The following SHB variants were observed in gnomAD, a reference collection of about 807,000 sequenced individuals.
The protein encoded by SHB is SH2 domain containing adaptor protein B.
SHB carries 20 observed loss-of-function variants against 52.3 expected under a neutral mutation model. The ratio of observed to expected loss-of-function variants is 0.38; its 90% CI spans 0.27 to 0.56. The LOEUF is 0.56. SHB is among the 20% of genes least tolerant of loss of function. The pLI is 0.71. For missense variants in SHB, 825 were observed against 723.3 expected, an observed-to-expected ratio of 1.14 and a Z score of -1.61; for synonymous variants, 397 against 316.5, an observed-to-expected ratio of 1.25 and a Z score of -2.70.
chr9:38,005,628 C>G (rs73437963), intron 2 of SHB, among the ~76,000 whole-genome samples: 7,482 of 152,250 alleles, frequency 0.049, 419 homozygotes, highest in African/African-American at 0.14. Context: ...CTCTCGGAGC[C>G]TTAGGGAGAG....
chr9:37,917,330 G>A lies in SHB; in HGVS notation c.*2491C>T, dbSNP rs1197024405. ...CCAGGGAAACTTCAGGAAGACGAAG[G>A]CCAGGGACAGAGGGAGGGTCCCAGG... On this transcript the variant is annotated 3_prime_UTR_variant, in exon 6 of 6. Transcript: ENST00000377707. 6.6e-6 allele frequency among the ~76,000 whole-genome samples: 1 copy of A among 152,164 alleles called. No homozygotes were observed. The highest frequency in any genetic ancestry group is 1.5e-5 in the Non-Finnish European group (1 of 68,018).
chr9:37,989,153 T>C (rs777732410), intron 2 of SHB, among the ~76,000 whole-genome samples: 3 of 152,206 alleles, frequency 2.0e-5, no homozygotes, highest in Non-Finnish European at 4.4e-5. Context: ...CATGCCTCTA[T>C]GGACAGCCCT....
At chr9:37,944,231 C>A (rs892261199) in intron 5 of SHB, among the ~76,000 whole-genome samples, 7 of 152,150 alleles carry the variant, frequency 4.6e-5, no homozygotes, top group African/African-American at 1.4e-4. Context: ...GGTGTGCAGG[C>A]GCCACTGTGG....
chr9:38,052,023 C>T (rs1336149268), intron 1 of SHB, among the ~76,000 whole-genome samples: 3 of 152,240 alleles, frequency 2.0e-5, no homozygotes, highest in Non-Finnish European at 4.4e-5. Flanking sequence ...CCTTCTTGCA[C>T]TGCTGTCTTC....
At chr9:38,059,233 TC>T (rs1348326389) in intron 1 of SHB, among the ~76,000 whole-genome samples, 3 of 149,184 alleles carry the variant, frequency 2.0e-5, no homozygotes, top group East Asian at 4.0e-4. Context: ...GGAATTCGCT[TC>T]CCCCACCCAC....
At chr9:37,942,001 A>G (rs147051526) in intron 5 of SHB, among the ~76,000 whole-genome samples, 147 of 152,300 alleles carry the variant, frequency 9.7e-4, no homozygotes, top group East Asian at 8.3e-3. Flanking sequence ...GCAACAAACT[A>G]AGATTAATCA....
chr9:38,008,729 G>A (rs1821102144), intron 2 of SHB, among the ~76,000 whole-genome samples: 1 of 152,158 alleles, frequency 6.6e-6, no homozygotes, highest in African/African-American at 2.4e-5. Context: ...ATCCAGCTGG[G>A]GGAGAGCTGT....
At chr9:37,954,205 A>G (rs1832602424) in intron 4 of SHB, among the ~76,000 whole-genome samples, 1 of 152,244 alleles carries the variant, frequency 6.6e-6, no homozygotes, top group Admixed American at 6.5e-5. Context: ...AGCACTCACA[A>G]AGGTGGCAGA....
chr9:38,067,904 G>A (rs1821991227), intron 1 of SHB, 25 bp downstream of exon 1: 2 of 1,445,476 alleles, frequency 1.4e-6, no homozygotes, highest in Admixed American at 2.8e-5. Flanking sequence ...CTGGAACCTC[G>A]GGAAGAGGCC....
At chr9:38,005,875 A>C (rs917376661) in intron 2 of SHB, among the ~76,000 whole-genome samples, 7 of 152,110 alleles carry the variant, frequency 4.6e-5, no homozygotes, top group African/African-American at 1.7e-4. Flanking sequence ...CCAGAAACAC[A>C]GGCCAGGACT....
intron 2 of SHB, among the ~76,000 whole-genome samples, chr9:37,986,777 G>C (rs1325669521): frequency 6.6e-6 from 1 of 152,222 alleles, no homozygotes; most frequent in Non-Finnish European, 1.5e-5. Context: ...TGACAGGGCG[G>C]GCATCCCCGG....
At chr9:38,047,571 C>T (rs1821672961) in intron 1 of SHB, among the ~76,000 whole-genome samples, 1 of 152,252 alleles carries the variant, frequency 6.6e-6, no homozygotes, top group Non-Finnish European at 1.5e-5. Flanking sequence ...TGGCTAATGC[C>T]TTCAGCAGGA....
At chr9:37,949,423 A>G in intron 4 of SHB, among the ~76,000 whole-genome samples, 1 of 151,906 alleles carries the variant, frequency 6.6e-6, no homozygotes, top group African/African-American at 2.4e-5. Context: ...AAAAGAAAAA[A>G]GAAAATGGAA....
intron 2 of SHB, among the ~76,000 whole-genome samples, chr9:38,002,185 G>A (rs1045593541): frequency 6.6e-6 from 1 of 152,192 alleles, no homozygotes; most frequent in African/African-American, 2.4e-5. Flanking sequence ...GAAATGAGAT[G>A]TGAGTAGTCA....
intron 1 of SHB, among the ~76,000 whole-genome samples, chr9:38,053,955 C>T (rs996229402): frequency 3.3e-5 from 5 of 152,198 alleles, no homozygotes; most frequent in Non-Finnish European, 7.3e-5. Flanking sequence ...CACAGCAACA[C>T]CTCAAAGACA....
At chr9:38,065,989 T>C (rs976636290) in intron 1 of SHB, among the ~76,000 whole-genome samples, 3 of 152,150 alleles carry the variant, frequency 2.0e-5, no homozygotes, top group Non-Finnish European at 1.5e-5. Context: ...TCATCCCTCC[T>C]GTAACCCTGT....
intron 3 of SHB, among the ~76,000 whole-genome samples, chr9:37,971,661 TTC>T (rs1820591490): frequency 6.6e-6 from 1 of 152,062 alleles, no homozygotes; most frequent in African/African-American, 2.4e-5. Context: ...GTGGATGTGA[TTC>T]TCTGTCTATC....
intron 2 of SHB, among the ~76,000 whole-genome samples, chr9:37,985,875 C>A (rs1487244999): frequency 2.0e-5 from 3 of 152,240 alleles, no homozygotes. Context: ...CTGCGCCAGG[C>A]ACTGTCCTGT....
intron 2 of SHB, among the ~76,000 whole-genome samples, chr9:38,002,820 C>A (rs763407184): frequency 1.3e-5 from 2 of 152,176 alleles, no homozygotes; most frequent in Admixed American, 6.5e-5. Flanking sequence ...ACTCCAGGAC[C>A]CTGCATCAAG....
Sources: gnomAD v4.1 joint callset for allele counts (sites outside exome capture counted in the v4.1 genomes callset) on GRCh38, gnomAD v4.1.1 for gene constraint, MANE v1.5 for transcripts, NCBI Gene and HGNC (gene_info 2026-07-23, HGNC 2026-07-21) for gene names.